Variants in KIAA1217 observed in about 807,000 individuals in gnomAD.
KIAA1217 encodes KIAA1217.
Under a neutral mutation model 163.9 loss-of-function variants are expected in KIAA1217, and 88 were observed. The ratio of observed to expected loss-of-function variants is 0.54; its 90% CI spans 0.45 to 0.64. The LOEUF is 0.64. Among genes scored for constraint, KIAA1217 ranks in the 30% least tolerant of loss-of-function variants. The pLI is 0.00. For synonymous variants in KIAA1217, 903 were observed against 923.1 expected, an observed-to-expected ratio of 0.98 and a Z score of 0.39; for missense variants, 2,372 against 2,475.0, an observed-to-expected ratio of 0.96 and a Z score of 0.88.
chr10:23,818,351 A>AAAATATATATAT (rs374977941), intron 1 of KIAA1217, among the ~76,000 whole-genome samples: 3 of 134,894 alleles, frequency 2.2e-5, no homozygotes, highest in African/African-American at 8.4e-5. Flanking sequence ...TATATAAAAA[A>AAAATATATATAT]ATATATATAT....
At chr10:23,823,193 G>C (rs561644343) in intron 1 of KIAA1217, among the ~76,000 whole-genome samples, 1 of 152,186 alleles carries the variant, frequency 6.6e-6, no homozygotes, top group South Asian at 2.1e-4. Context: ...TGGAGGCTTT[G>C]GGGGAGATCC....
intron 5 of KIAA1217, among the ~76,000 whole-genome samples, chr10:24,470,681 AG>A (rs1323406093): frequency 6.6e-6 from 1 of 152,148 alleles, no homozygotes; most frequent in Admixed American, 6.5e-5. Context: ...TGCATACTCC[AG>A]GGGGCCCAGA....
intron 1 of KIAA1217, among the ~76,000 whole-genome samples, chr10:23,972,902 A>G (rs948519658): frequency 6.6e-6 from 1 of 152,184 alleles, no homozygotes; most frequent in Non-Finnish European, 1.5e-5. Flanking sequence ...GTGGGAGTTG[A>G]ACAATGAGAA....
intron 2 of KIAA1217, among the ~76,000 whole-genome samples, chr10:24,040,865 C>T (rs12264699): frequency 0.37 from 56,875 of 152,068 alleles, 11,918 homozygotes; most frequent in Non-Finnish European, 0.48. Context: ...ACCATGTGCC[C>T]GACAAGGTGC....
At chr10:24,391,409 G>T (rs2054963096) in intron 3 of KIAA1217, among the ~76,000 whole-genome samples, 5 of 133,638 alleles carry the variant, frequency 3.7e-5, no homozygotes, top group Non-Finnish European at 1.5e-5. Flanking sequence ...GCAGTGGTGT[G>T]ATCTCAACTC....
At chr10:24,335,454 G>A (rs1028678735) in intron 2 of KIAA1217, among the ~76,000 whole-genome samples, 3 of 150,858 alleles carry the variant, frequency 2.0e-5, no homozygotes, top group Admixed American at 6.6e-5. Context: ...CACCACACCC[G>A]GCTAATGGGT....
chr10:24,360,711 C>G (rs1006415378), intron 2 of KIAA1217, among the ~76,000 whole-genome samples: 3 of 152,162 alleles, frequency 2.0e-5, no homozygotes, highest in East Asian at 1.9e-4. Context: ...CAGGGCACCC[C>G]CTTGTGGTGC....
At chr10:23,931,658 G>A (rs1325395862) in intron 1 of KIAA1217, among the ~76,000 whole-genome samples, 1 of 152,152 alleles carries the variant, frequency 6.6e-6, no homozygotes, top group Non-Finnish European at 1.5e-5. Flanking sequence ...TGACCCAAAA[G>A]TGTCTGGTTA....
chr10:24,064,914 C>T (rs866222987), intron 2 of KIAA1217, among the ~76,000 whole-genome samples: 1 of 152,156 alleles, frequency 6.6e-6, no homozygotes, highest in African/African-American at 2.4e-5. Flanking sequence ...TCTAGATTTT[C>T]TAGTTTATTT....
chr10:24,311,591 C>G (rs920784880), intron 2 of KIAA1217, among the ~76,000 whole-genome samples: 2 of 152,116 alleles, frequency 1.3e-5, no homozygotes, highest in Admixed American at 6.5e-5. Flanking sequence ...AGTTACAGCT[C>G]TATGCAACTT....
chr10:23,790,552 C>CATATATACATATGT, intron 1 of KIAA1217, among the ~76,000 whole-genome samples: 1 of 102,064 alleles, frequency 9.8e-6, no homozygotes, highest in South Asian at 2.7e-4. Flanking sequence ...TGCATATATA[C>CATATATACATATGT]ATATGTACAT....
chr10:23,945,073 A>AT (rs1246582325), intron 1 of KIAA1217, among the ~76,000 whole-genome samples: 1 of 148,754 alleles, frequency 6.7e-6, no homozygotes, highest in African/African-American at 2.4e-5. Context: ...AAAAAAAAAA[A>AT]AAGGGTTTTA....
chr10:23,847,430 C>T (rs903398001), intron 1 of KIAA1217, among the ~76,000 whole-genome samples: 3 of 152,092 alleles, frequency 2.0e-5, no homozygotes, highest in Admixed American at 6.6e-5. Context: ...TTCAGGGATT[C>T]GACTTCTTCC....
chr10:23,857,829 A>T (rs939658317), intron 1 of KIAA1217, among the ~76,000 whole-genome samples: 4 of 152,102 alleles, frequency 2.6e-5, no homozygotes, highest in African/African-American at 9.7e-5. Flanking sequence ...ATGTTCATAT[A>T]TATGTATGTA....
chr10:23,942,378 T>C (rs963380665), intron 1 of KIAA1217, among the ~76,000 whole-genome samples: 4 of 152,112 alleles, frequency 2.6e-5, no homozygotes, highest in African/African-American at 9.7e-5. Context: ...CAAATAGAAA[T>C]TTTAAAAGTG....
At chr10:24,359,345 G>A (rs10764471) in intron 2 of KIAA1217, among the ~76,000 whole-genome samples, 59,266 of 151,422 alleles carry the variant, frequency 0.39, 12,503 homozygotes, top group Middle Eastern at 0.47. Context: ...TGCCCGCCTC[G>A]GCCTCCCAAA....
At chr10:23,898,400 A>T (rs1338603671) in intron 1 of KIAA1217, among the ~76,000 whole-genome samples, 1 of 151,950 alleles carries the variant, frequency 6.6e-6, no homozygotes, top group East Asian at 1.9e-4. Context: ...TTAGAACACA[A>T]CTATCAACAT....
intron 3 of KIAA1217, among the ~76,000 whole-genome samples, chr10:24,409,965 ATTTCTTTTCT>A (rs71397946): frequency 2.0e-5 from 3 of 146,376 alleles, no homozygotes; most frequent in African/African-American, 2.5e-5. Flanking sequence ...ATATATCACA[ATTTCTTTTCT>A]TTTCTTTTCT....
Position 23,975,814 on chromosome 10 carries a change from A to G in KIAA1217, c.-320-31411A>G, listed in dbSNP as rs115752417. Among the ~76,000 whole-genome samples the G allele has an allele frequency of 7.3e-3, 1,114 of 152,270 alleles. 10 individuals are homozygous for G. The highest frequency in any genetic ancestry group is 0.026 in the African/African-American group (1,067 of 41,554). ...CTTTCCTTCTACTTGAAAATGTTAC[A>G]ATGGACCCCATGTGACATGAATTAT... On this transcript the variant is annotated intron_variant, in intron 1 of 18. Transcript: ENST00000376462.
Sources: allele counts gnomAD v4.1 joint callset (sites outside exome capture counted in the v4.1 genomes callset), GRCh38; gene constraint gnomAD v4.1.1; transcripts MANE v1.5; gene names NCBI Gene and HGNC (gene_info 2026-07-23, HGNC 2026-07-21).